The following CTNNA3 variants were observed in gnomAD, a reference collection of about 807,000 sequenced individuals.
CTNNA3 encodes the protein catenin alpha 3.
In CTNNA3, 76 loss-of-function variants were observed where a neutral mutation model predicts 95.7. The observed-to-expected ratio is 0.79, with a 90% CI of 0.66 to 0.96. The LOEUF (loss-of-function observed/expected upper bound fraction) is 0.96. Among genes scored for constraint, CTNNA3 ranks in the 40% least tolerant of loss-of-function variants. The pLI, the probability that CTNNA3 is intolerant of heterozygous loss-of-function variation, is 0.00. For missense variants in CTNNA3, 1,191 were observed against 1,089.8 expected (o/e 1.09, Z -1.31); for synonymous variants, 431 against 374.4 (o/e 1.15, Z -1.74).
At chr10:66,433,976 G>T (rs372476841) in intron 11 of CTNNA3, among the ~76,000 whole-genome samples, 1 of 152,098 alleles carries the variant, frequency 6.6e-6, no homozygotes, top group Non-Finnish European at 1.5e-5. Flanking sequence ...TATTTCTGAG[G>T]CCTCTGTTCT....
At chr10:66,549,150 C>T (rs1305856314) in intron 10 of CTNNA3, among the ~76,000 whole-genome samples, 2 of 151,860 alleles carry the variant, frequency 1.3e-5, no homozygotes, top group Non-Finnish European at 1.5e-5. Context: ...CCCGCCACCA[C>T]GCCCAGCTAA....
At chr10:67,499,352 T>G (rs1421759463) in intron 5 of CTNNA3, among the ~76,000 whole-genome samples, 1 of 152,212 alleles carries the variant, frequency 6.6e-6, no homozygotes, top group Non-Finnish European at 1.5e-5. Context: ...TTATTGAGGA[T>G]TTTTGCATTG....
At chr10:67,465,669 C>T (rs1218296121) in intron 5 of CTNNA3, among the ~76,000 whole-genome samples, 3 of 152,112 alleles carry the variant, frequency 2.0e-5, no homozygotes, top group African/African-American at 7.2e-5. Context: ...TGGAGGTCAA[C>T]TCAGCACCCA....
chr10:66,152,559 T>A (rs12354641), intron 13 of CTNNA3, among the ~76,000 whole-genome samples: 22,958 of 151,936 alleles, frequency 0.15, 2,155 homozygotes, highest in Middle Eastern at 0.22. Context: ...CTTATAGACA[T>A]TAATCAAAGT....
intron 12 of CTNNA3, among the ~76,000 whole-genome samples, chr10:66,331,652 T>C (rs999746400): frequency 5.9e-5 from 9 of 152,010 alleles, no homozygotes; most frequent in African/African-American, 1.2e-4. Flanking sequence ...TTCTGTTCCA[T>C]TGGTCTATAT....
intron 5 of CTNNA3, among the ~76,000 whole-genome samples, chr10:67,487,407 A>T (rs547805897): frequency 1.3e-5 from 2 of 152,298 alleles, no homozygotes; most frequent in South Asian, 4.1e-4. Flanking sequence ...AAACCCACGG[A>T]AGAGTGTGTA....
Position 65,935,703 on chromosome 10 carries a change from A to AGT in CTNNA3, c.2401-15088_2401-15087dup, listed in dbSNP as rs779817660. ...GGTCACGGAGAACATTCATTTTCTA[A>AGT]GTGTGTGTGTGTAATTTTTCTTCTT... On this transcript the variant is annotated intron_variant, in intron 17 of 17. Transcript: ENST00000433211. Among the ~76,000 whole-genome samples the AGT allele has an allele frequency of 2.6e-5, 4 of 152,108 alleles. No individual in the cohort carries two copies. In the East Asian group the frequency reaches 7.7e-4, roughly 29 times the overall value.
chr10:67,009,534 T>G, intron 7 of CTNNA3, among the ~76,000 whole-genome samples: 1 of 152,150 alleles, frequency 6.6e-6, no homozygotes, highest in East Asian at 1.9e-4. Context: ...TTTGTTTGTT[T>G]GTTTGTTTGC....
chr10:66,347,109 T>G (rs1244099720), intron 12 of CTNNA3, among the ~76,000 whole-genome samples: 1 of 152,024 alleles, frequency 6.6e-6, no homozygotes, highest in Admixed American at 6.6e-5. Flanking sequence ...TATGGAATCA[T>G]AAAATCAGAA....
At chr10:66,228,420 A>C (rs1589792344) in intron 13 of CTNNA3, among the ~76,000 whole-genome samples, 1 of 152,076 alleles carries the variant, frequency 6.6e-6, no homozygotes, top group Non-Finnish European at 1.5e-5. Flanking sequence ...TTTATTAACT[A>C]ATTGACCATT....
intron 10 of CTNNA3, among the ~76,000 whole-genome samples, chr10:66,609,926 A>G (rs895231663): frequency 1.3e-5 from 2 of 152,300 alleles, no homozygotes; most frequent in African/African-American, 4.8e-5. Flanking sequence ...GCCATAAAAA[A>G]GATTGAGATC....
chr10:67,740,438 C>A (rs2133640250), intron 1 of CTNNA3, among the ~76,000 whole-genome samples: 1 of 151,344 alleles, frequency 6.6e-6, no homozygotes, highest in African/African-American at 2.4e-5. Flanking sequence ...CCAGAACCTA[C>A]AATGAACTCG....
chr10:66,791,155 CCT>C (rs2132878881), intron 7 of CTNNA3, among the ~76,000 whole-genome samples: 1 of 152,188 alleles, frequency 6.6e-6, no homozygotes, highest in East Asian at 1.9e-4. Flanking sequence ...GTTTAAAATC[CCT>C]CTGTTTACAA....
intron 7 of CTNNA3, among the ~76,000 whole-genome samples, chr10:67,008,252 T>C (rs546887148): frequency 2.8e-3 from 420 of 152,268 alleles, no homozygotes; most frequent in Non-Finnish European, 4.0e-3. Flanking sequence ...TGTTTTATCC[T>C]AACTTCCATC....
At chr10:67,359,567 CT>C (rs1374470900) in intron 5 of CTNNA3, among the ~76,000 whole-genome samples, 1 of 152,138 alleles carries the variant, frequency 6.6e-6, no homozygotes, top group Non-Finnish European at 1.5e-5. Flanking sequence ...GAAAATTTTA[CT>C]GCAGAAATTT....
intron 9 of CTNNA3, among the ~76,000 whole-genome samples, chr10:66,738,227 T>A (rs1459331757): frequency 1.3e-5 from 2 of 152,198 alleles, no homozygotes; most frequent in Non-Finnish European, 2.9e-5. Flanking sequence ...TGCATCTTTG[T>A]TTTCTTTCCT....
intron 5 of CTNNA3, among the ~76,000 whole-genome samples, chr10:67,268,388 G>A (rs114631972): frequency 0.072 from 10,781 of 150,266 alleles, 647 homozygotes; most frequent in African/African-American, 0.17. Flanking sequence ...CGTTAGCGGC[G>A]GCTCATGCCT....
chr10:66,089,583 A>G (rs747360947), intron 14 of CTNNA3, among the ~76,000 whole-genome samples: 3 of 151,742 alleles, frequency 2.0e-5, no homozygotes, highest in African/African-American at 7.3e-5. Context: ...TGAATCCCTT[A>G]TGATTTGAAG....
chr10:67,612,353 C>G (rs1460239702), intron 2 of CTNNA3, among the ~76,000 whole-genome samples: 3 of 152,000 alleles, frequency 2.0e-5, no homozygotes, highest in African/African-American at 7.2e-5. Flanking sequence ...GAAAGTGCTG[C>G]CAAAATTGCA....
Sources: allele counts gnomAD v4.1 joint callset (sites outside exome capture counted in the v4.1 genomes callset), GRCh38; gene constraint gnomAD v4.1.1; transcripts MANE v1.5; gene names NCBI Gene and HGNC (gene_info 2026-07-23, HGNC 2026-07-21).